HSF1: variants seen among roughly 807,000 people sequenced by gnomAD.
The protein encoded by HSF1 is heat shock transcription factor 1.
HSF1 carries 32 observed loss-of-function variants against 51.7 expected under a neutral mutation model. The observed-to-expected ratio is 0.62, with a 90% CI of 0.47 to 0.83. HSF1 has a LOEUF of 0.83. HSF1 is among the 40% of genes least tolerant of loss of function. HSF1 has a pLI of 0.00. For missense variants in HSF1, 727 were observed against 717.0 expected, an observed-to-expected ratio of 1.01 and a Z score of -0.16; for synonymous variants, 396 against 309.7, an observed-to-expected ratio of 1.28 and a Z score of -2.92.
chr8:144,305,922 G>A (rs1447862413), intron 1 of HSF1, among the ~76,000 whole-genome samples: 1 of 151,250 alleles, frequency 6.6e-6, no homozygotes, highest in Non-Finnish European at 1.5e-5. Context: ...AGTAGAGACG[G>A]GGTTTCTCCA....
In HSF1 at chr8:144,304,508, G is replaced by C. The variant is rs557342404; in HGVS notation, c.118-4398G>C. Among the ~76,000 whole-genome samples, 20 of 152,226 alleles carry C rather than the reference G, an allele frequency of 1.3e-4. No homozygotes were observed. The South Asian group carries it at 3.9e-3, about 30-fold the overall frequency. On this transcript the variant is annotated intron_variant, in intron 1 of 12. Transcript: ENST00000528838. ...TTGCCCAGGCTGGTCTCCAACTCCT[G>C]GGCTCAAGGGATCCTCCTGCCTTGG...
rs1816505913 is a variant in HSF1, at chr8:144,309,997, A to G, written c.488+101A>G. ...GGGCCCTGACCGGGGCCAGGTGCTC[A>G]GCTCCACCCTCCCGCTCCACGCACA... On this transcript the variant is annotated intron_variant, in intron 4 of 12. Coordinates refer to ENST00000528838, the MANE Select transcript of HSF1 (RefSeq NM_005526.4). 3 of 1,386,048 alleles carry G rather than the reference A, an allele frequency of 2.2e-6. No homozygotes were observed. In the African/African-American group the frequency reaches 4.4e-5, roughly 20 times the overall value. The allele number at this position is 1,386,048 out of a possible 1,614,324, so 85.9% of individuals were successfully genotyped here.
intron 1 of HSF1, among the ~76,000 whole-genome samples, chr8:144,302,582 CTT>C (rs1297096033): frequency 6.6e-6 from 1 of 151,806 alleles, no homozygotes; most frequent in Non-Finnish European, 1.5e-5. Flanking sequence ...AATCCCAACA[CTT>C]TGGGAGGCCA....
chr8:144,297,998 G>T lies in HSF1; in HGVS notation c.117+6124G>T, dbSNP rs1815583778. ...GCTCCAAGTTTACTGCAAGCTGCGG[G>T]GTTTGCTGACACCTACACTTCTCAG... On this transcript the variant is annotated intron_variant, in intron 1 of 12. Transcript: ENST00000528838. The surrounding 1 kb of genome is among the most constrained non-coding windows in gnomAD (Gnocchi z 4.6). Among the ~76,000 whole-genome samples the T allele has an allele frequency of 6.6e-6, 1 of 152,208 alleles. No individual in the cohort carries two copies. Among genetic ancestry groups the T allele is most frequent in the East Asian group, 1.9e-4 (1 of 5,198 alleles).
intron 1 of HSF1, among the ~76,000 whole-genome samples, chr8:144,299,309 C>T (rs868932400): frequency 3.3e-5 from 5 of 151,838 alleles, no homozygotes; most frequent in Middle Eastern, 3.4e-3. Flanking sequence ...TGGTGATGGG[C>T]GCCTGTGGTC....
At chr8:144,312,882 G>A (rs1459015562) in intron 9 of HSF1, 14 of 624,754 alleles carry the variant, frequency 2.2e-5, no homozygotes, top group Admixed American at 1.1e-4. Context: ...CCCTGGCCAC[G>A]GGCCTGTGGT....
At position 144,297,839 on chromosome 8, in the gene HSF1, T is replaced by C. The variant is rs1483273932; in HGVS notation, c.117+5965T>C. On this transcript the variant is annotated intron_variant, in intron 1 of 12. Transcript: ENST00000528838. This position sits in a 1 kb window ranked among gnomAD's most constrained non-coding sequence, Gnocchi z 4.6. ...GGCCACCTTGTAGAATACGGCACTG[T>C]TCACGTTTTGGGCCAGGGAGCCCTT... Among the ~76,000 whole-genome samples the C allele has an allele frequency of 2.6e-5, 4 of 152,158 alleles. No homozygotes were observed. Among genetic ancestry groups the C allele is most frequent in the African/African-American group, 9.7e-5 (4 of 41,432 alleles).
Position 144,309,336 on chromosome 8 carries a change from G to A in HSF1, c.227-119G>A, listed in dbSNP as rs1040705131. ...GGCCACCCAGGCATGGGCTCTGAGGGGGCAGGGCAGGGTCTGACCATGGCC... is the reference window on the plus strand; with the variant it reads ...GGCCACCCAGGCATGGGCTCTGAGGAGGCAGGGCAGGGTCTGACCATGGCC... On this transcript the variant is annotated intron_variant, in intron 2 of 12. Coordinates refer to ENST00000528838, the MANE Select transcript of HSF1 (RefSeq NM_005526.4). The A allele has an allele frequency of 1.4e-5, 20 of 1,408,694 alleles. No homozygotes were observed. The African/African-American group carries it at 2.3e-4, about 16-fold the overall frequency. 87.3% of individuals were successfully genotyped at this position (1,408,694 alleles called of 1,614,324 possible). A position where few individuals can be genotyped will look rare whatever the true frequency, so the allele number is the denominator to read the frequency against.
chr8:144,296,382 A>T (rs1239702365), intron 1 of HSF1, among the ~76,000 whole-genome samples: 2 of 152,188 alleles, frequency 1.3e-5, no homozygotes, highest in East Asian at 3.8e-4. Flanking sequence ...CCCACCCTGG[A>T]AGATCTGGTA....
chr8:144,312,940 C>T (rs564851965), intron 9 of HSF1: 11 of 582,122 alleles, frequency 1.9e-5, no homozygotes, highest in East Asian at 8.6e-5. Context: ...TGCTCTGGCA[C>T]GGCCTCTGGT....
At position 144,300,086 on chromosome 8, in the gene HSF1, C is replaced by T. The variant is rs1815752414; in HGVS notation, c.117+8212C>T. On this transcript the variant is annotated intron_variant, in intron 1 of 12. Transcript: ENST00000528838. The stretch of plus-strand genomic sequence containing the variant: ...CAGAAGCCTGGGCTTTACCTAGTGA[C>T]CCTCTTCCAAAGAGCAGAGCACAGA... 3.3e-5 allele frequency among the ~76,000 whole-genome samples: 5 copies of T among 152,288 alleles called. No individual in the cohort carries two copies. In the South Asian group the frequency reaches 1.0e-3, roughly 32 times the overall value.
rs1588615227 is a variant in HSF1, at chr8:144,291,642, T to G, written c.-116T>G. 7.3e-6 allele frequency: 4 copies of G among 547,876 alleles called. No homozygotes were observed. The highest frequency in any genetic ancestry group is 2.7e-5 in the South Asian group (1 of 37,370). The allele number at this position is 547,876 out of a possible 1,614,324, so 33.9% of individuals were successfully genotyped here. On this transcript the variant is annotated 5_prime_UTR_variant, in exon 1 of 13. Coordinates refer to ENST00000528838, the MANE Select transcript of HSF1 (RefSeq NM_005526.4). The surrounding 1 kb of genome is among the most constrained non-coding windows in gnomAD (Gnocchi z 4.1). ...CGGCGGCCATGCTGGGCCCCGGGGC[T>G]GTGTGTGCGCAGCGGGCGGCGGCGC...
At chr8:144,293,867 G>A (rs1445660822) in intron 1 of HSF1, among the ~76,000 whole-genome samples, 1 of 150,964 alleles carries the variant, frequency 6.6e-6, no homozygotes, top group Non-Finnish European at 1.5e-5. Context: ...GTCCTGTCCC[G>A]TAATCTGCTT....
At chr8:144,304,659 T>C (rs781886378) in intron 1 of HSF1, among the ~76,000 whole-genome samples, 8 of 152,170 alleles carry the variant, frequency 5.3e-5, no homozygotes, top group Non-Finnish European at 1.2e-4. Flanking sequence ...TGTTTCTGTT[T>C]TTTTGGAGAT....
Position 144,309,580 on chromosome 8 carries a change from A to T in HSF1, c.352A>T (p.Lys118Ter), listed in dbSNP as rs1816457476. The change falls in exon 3 of 13, where the codon AAA becomes TAA. Residue 118 changes from lysine (K) to a stop codon, truncating the protein, a stop_gained. Transcript: ENST00000528838. LOFTEE classifies it high-confidence loss of function. ...GCAGCTCCTTGAGAACATCAAGAGG[A>T]AAGTGACCAGTGTGAGTGCCGGCCC... is the stretch of plus-strand genomic sequence containing the variant. Reference protein sequence around the residue: ...QEQLLENIKRKVTSVSTLKSE... With the variant: ...QEQLLENIKR 1 of 1,613,834 alleles carries T rather than the reference A, an allele frequency of 6.2e-7. No individual in the cohort carries two copies. The highest frequency in any genetic ancestry group is 1.3e-5 in the African/African-American group (1 of 74,904).
intron 9 of HSF1, 85 bp downstream of exon 9, chr8:144,312,329 G>A: frequency 2.8e-6 from 3 of 1,060,322 alleles, no homozygotes; most frequent in Non-Finnish European, 4.1e-6. Context: ...AGTGGACTGA[G>A]CAGGGCAGCT....
At chr8:144,299,146 T>G (rs1457039656) in intron 1 of HSF1, among the ~76,000 whole-genome samples, 3 of 152,106 alleles carry the variant, frequency 2.0e-5, no homozygotes, top group African/African-American at 7.2e-5. Flanking sequence ...CACACAGCAC[T>G]CTTGAGAGAA....
At chr8:144,293,996 G>A (rs1034828201) in intron 1 of HSF1, among the ~76,000 whole-genome samples, 5 of 151,892 alleles carry the variant, frequency 3.3e-5, no homozygotes, top group Non-Finnish European at 7.4e-5. Context: ...GATGAGGCCC[G>A]TGGCCAGCCT....
intron 9 of HSF1, chr8:144,312,733 G>T: frequency 6.5e-7 from 1 of 1,529,604 alleles, no homozygotes; most frequent in Non-Finnish European, 8.8e-7. Flanking sequence ...CCCCACTGGG[G>T]AGGGAGGAGG....
Sources: allele counts gnomAD v4.1 joint callset (sites outside exome capture counted in the v4.1 genomes callset), GRCh38; gene constraint gnomAD v4.1.1; non-coding constraint Gnocchi (gnomAD v3.1); transcripts MANE v1.5; gene names NCBI Gene and HGNC (gene_info 2026-07-23, HGNC 2026-07-21).